The following TMEM38B variants were observed in gnomAD, a reference collection of about 807,000 sequenced individuals.
TMEM38B encodes the protein transmembrane protein 38B, also known as trimeric intracellular cation channel type B.
Under a neutral mutation model 28.7 loss-of-function variants are expected in TMEM38B, and 24 were observed. The observed-to-expected ratio is 0.84, with a 90% CI of 0.61 to 1.18. TMEM38B has a LOEUF of 1.18. TMEM38B is among the 50% of genes most tolerant of loss of function. TMEM38B has a pLI of 0.00. For missense variants in TMEM38B, 380 were observed against 350.9 expected (o/e 1.08, Z -0.66); for synonymous variants, 131 against 127.7 (o/e 1.03, Z -0.17).
chr9:105,714,765 T>C (rs1836033277), intron 2 of TMEM38B, among the ~76,000 whole-genome samples: 1 of 152,220 alleles, frequency 6.6e-6, no homozygotes, highest in Non-Finnish European at 1.5e-5. Flanking sequence ...GTAAGATTCA[T>C]TGTGTGCTTT....
intron 5 of TMEM38B, among the ~76,000 whole-genome samples, chr9:105,770,771 A>G (rs1826519282): frequency 6.6e-6 from 1 of 152,152 alleles, no homozygotes. Flanking sequence ...GTTACACTGA[A>G]AAGGATTATT....
chr9:105,736,137 ATT>A (rs1352194873), intron 4 of TMEM38B, among the ~76,000 whole-genome samples: 1 of 149,582 alleles, frequency 6.7e-6, no homozygotes, highest in Non-Finnish European at 1.5e-5. Flanking sequence ...CAGCCCTCTC[ATT>A]TTGGCTTTCC....
At chr9:105,697,235 A>G (rs1486627756) in intron 1 of TMEM38B, among the ~76,000 whole-genome samples, 1 of 152,184 alleles carries the variant, frequency 6.6e-6, no homozygotes, top group African/African-American at 2.4e-5. Context: ...TATCCTTGGC[A>G]AGCATTAATC....
chr9:105,699,042 A>G (rs968514245), intron 1 of TMEM38B, among the ~76,000 whole-genome samples: 3 of 152,038 alleles, frequency 2.0e-5, no homozygotes, highest in African/African-American at 7.2e-5. Flanking sequence ...TTTCACTTGA[A>G]TCTTCTGGAT....
In TMEM38B at chr9:105,709,492, G is replaced by A. The variant is rs78587887; in HGVS notation, c.269+3739G>A. On this transcript the variant is annotated intron_variant, in intron 2 of 5. Coordinates refer to ENST00000374692, the MANE Select transcript of TMEM38B (RefSeq NM_018112.3). ...TAATACATCTCAAACAAGACAATTA[G>A]GCCATACTGTAATCATTCACTAGAT... Among the ~76,000 whole-genome samples the A allele has an allele frequency of 3.4e-3, 520 of 152,116 alleles. 1 individual carries two copies. Among genetic ancestry groups the A allele is most frequent in the Non-Finnish European group, 5.4e-3 (369 of 68,002 alleles).
At chr9:105,735,064 C>G (rs570931260) in intron 4 of TMEM38B, among the ~76,000 whole-genome samples, 13 of 152,110 alleles carry the variant, frequency 8.5e-5, no homozygotes, top group Non-Finnish European at 1.5e-4. Context: ...TGCATATTTA[C>G]TGTATTTTTT....
chr9:105,743,698 C>G (rs1221439106), intron 4 of TMEM38B, among the ~76,000 whole-genome samples: 1 of 152,152 alleles, frequency 6.6e-6, no homozygotes, highest in Non-Finnish European at 1.5e-5. Context: ...TTGTGTACAT[C>G]TCTCCTCTTC....
intron 2 of TMEM38B, chr9:105,710,383 C>G: frequency 1.2e-6 from 1 of 827,334 alleles, no homozygotes; most frequent in Non-Finnish European, 2.0e-6. Context: ...TATGAAAAGA[C>G]TGACTTCATG....
rs921195443 is a variant in TMEM38B at position 105,774,151 on chromosome 9, C to T, written c.*71C>T. On this transcript the variant is annotated 3_prime_UTR_variant, in exon 6 of 6. Coordinates refer to ENST00000374692, the MANE Select transcript of TMEM38B (RefSeq NM_018112.3). ...TACCTGTTATATTGTGCTAATTTTTCTATGTATGTGATGTGAAATGAAGAC... is the reference window on the plus strand; with the variant it reads ...TACCTGTTATATTGTGCTAATTTTTTTATGTATGTGATGTGAAATGAAGAC... The T allele has an allele frequency of 6.1e-5, 77 of 1,259,770 alleles. No homozygotes were observed. Among genetic ancestry groups the T allele is most frequent in the Non-Finnish European group, 8.2e-5 (73 of 895,126 alleles). The allele number at this position is 1,259,770 out of a possible 1,614,324, so 78.0% of individuals were successfully genotyped here.
At chr9:105,765,797 T>A (rs1345823028) in intron 5 of TMEM38B, among the ~76,000 whole-genome samples, 1 of 152,072 alleles carries the variant, frequency 6.6e-6, no homozygotes, top group East Asian at 1.9e-4. Flanking sequence ...CATATTTTCT[T>A]TTTTTTCTTT....
chr9:105,713,544 G>A (rs992638647), intron 2 of TMEM38B, among the ~76,000 whole-genome samples: 18 of 152,188 alleles, frequency 1.2e-4, no homozygotes, highest in African/African-American at 1.9e-4. Context: ...TGAAGAGTGC[G>A]GGAGGGGAAA....
chr9:105,739,834 T>A (rs969047019), intron 4 of TMEM38B, among the ~76,000 whole-genome samples: 16 of 152,056 alleles, frequency 1.1e-4, no homozygotes, highest in Non-Finnish European at 2.2e-4. Flanking sequence ...CGGTTTTAAG[T>A]CTTCCAATGT....
intron 1 of TMEM38B, among the ~76,000 whole-genome samples, chr9:105,697,210 G>A (rs894097478): frequency 1.3e-5 from 2 of 152,112 alleles, no homozygotes; most frequent in Admixed American, 1.3e-4. Flanking sequence ...CTGCACTTTT[G>A]TGTAAGCTGT....
intron 1 of TMEM38B, among the ~76,000 whole-genome samples, 185 bp from the exon 2 acceptor site, chr9:105,705,412 G>GAC (rs1835618856): frequency 6.6e-6 from 1 of 152,142 alleles, no homozygotes; most frequent in Non-Finnish European, 1.5e-5. Flanking sequence ...TTAACAAAAT[G>GAC]TTTCCAGTCT....
In TMEM38B at chr9:105,748,202, A is replaced by G. The variant is rs556187425; in HGVS notation, c.660+12A>G. On this transcript the variant is annotated intron_variant, in intron 5 of 5. Transcript: ENST00000374692. ...TTGTGGCCACAAAGGTAAGAATTCA[A>G]AGTACCTATAATTATTACAAATCCT... 145 of 1,564,290 alleles carry G rather than the reference A, an allele frequency of 9.3e-5. No individual in the cohort carries two copies. The highest frequency in any genetic ancestry group is 1.2e-4 in the Non-Finnish European group (135 of 1,136,018).
At position 105,734,540 on chromosome 9, in the gene TMEM38B, G is replaced by A. The variant is rs138706156; in HGVS notation, c.542+11919G>A. 6.3e-3 allele frequency among the ~76,000 whole-genome samples: 950 copies of A among 151,886 alleles called. 7 individuals are homozygous for A. Among genetic ancestry groups the A allele is most frequent in the African/African-American group, 0.021 (891 of 41,470 alleles). ...TATGTGTTGAAAGTGAGGTATTGACGTACCCTACTATTATTGTATTGCTGT... is the reference window on the plus strand; with the variant it reads ...TATGTGTTGAAAGTGAGGTATTGACATACCCTACTATTATTGTATTGCTGT... On this transcript the variant is annotated intron_variant, in intron 4 of 5. Transcript: ENST00000374692.
chr9:105,751,344 G>A (rs940788754), intron 5 of TMEM38B, among the ~76,000 whole-genome samples: 12 of 152,162 alleles, frequency 7.9e-5, no homozygotes, highest in African/African-American at 1.4e-4. Flanking sequence ...CTTGCCCAGG[G>A]AACCACGCTT....
At chr9:105,722,736 A>G (rs916251971) in intron 4 of TMEM38B, 115 bp downstream of exon 4, 15 of 738,010 alleles carry the variant, frequency 2.0e-5, no homozygotes, top group Non-Finnish European at 2.8e-5. Context: ...CTGAAAATAT[A>G]AATAGTAATG....
At chr9:105,699,665 A>T (rs767909023) in intron 1 of TMEM38B, among the ~76,000 whole-genome samples, 8 of 152,198 alleles carry the variant, frequency 5.3e-5, no homozygotes, top group Non-Finnish European at 1.2e-4. Context: ...CCAGCCTTCT[A>T]TGTAACTTTT....
Sources: allele counts gnomAD v4.1 joint callset (sites outside exome capture counted in the v4.1 genomes callset), GRCh38; gene constraint gnomAD v4.1.1; transcripts MANE v1.5; gene names NCBI Gene and HGNC (gene_info 2026-07-23, HGNC 2026-07-21).